KCTD16: variants seen among roughly 807,000 people sequenced by gnomAD.
KCTD16 encodes the protein BTB/POZ domain-containing protein KCTD16.
KCTD16 carries 13 observed loss-of-function variants against 33.2 expected under a neutral mutation model. That is an observed-to-expected ratio of 0.39 (90% confidence interval 0.25 to 0.62). The LOEUF (loss-of-function observed/expected upper bound fraction) is 0.62, where lower values mean the gene tolerates loss of function less well. Among genes scored for constraint, KCTD16 ranks in the 20% least tolerant of loss-of-function variants. The pLI is 0.50. For synonymous variants in KCTD16, 197 were observed against 195.3 expected (o/e 1.01, Z -0.07); for missense variants, 441 against 525.1 (o/e 0.84, Z 1.57).
intron 3 of KCTD16, among the ~76,000 whole-genome samples, chr5:144,464,317 T>A (rs1754268120): frequency 1.3e-5 from 2 of 152,254 alleles, no homozygotes; most frequent in Admixed American, 6.5e-5. Flanking sequence ...AGTAAAATTT[T>A]ATGAAATTCA....
At chr5:144,391,909 T>C (rs1752457573) in intron 3 of KCTD16, among the ~76,000 whole-genome samples, 1 of 152,192 alleles carries the variant, frequency 6.6e-6, no homozygotes, top group African/African-American at 2.4e-5. Context: ...GTGTGGTTGT[T>C]GAGTGCCTAC....
At position 144,206,382 on chromosome 5, in the gene KCTD16, C is replaced by G. The variant is rs1753171102; in HGVS notation, c.-326-7C>G. ...TTGAGGAAATAATTTTTTCTCTTTTCCTTCAGACGGACATCTGAGTAACTG... is the reference window on the plus strand; with the variant it reads ...TTGAGGAAATAATTTTTTCTCTTTTGCTTCAGACGGACATCTGAGTAACTG... On this transcript the variant is annotated splice_region_variant and splice_polypyrimidine_tract_variant and intron_variant, in intron 2 of 3. Transcript: ENST00000512467. 1 of 221,946 alleles carries G rather than the reference C, an allele frequency of 4.5e-6. No homozygotes were observed. Among genetic ancestry groups the G allele is most frequent in the Admixed American group, 5.4e-5 (1 of 18,622 alleles). The allele number at this position is 221,946 out of a possible 1,614,324, so 13.7% of individuals were successfully genotyped here. A position where few individuals can be genotyped will look rare whatever the true frequency, so the allele number is the denominator to read the frequency against.
intron 3 of KCTD16, among the ~76,000 whole-genome samples, chr5:144,336,082 C>T (rs1049161649): frequency 6.6e-6 from 1 of 152,188 alleles, no homozygotes; most frequent in African/African-American, 2.4e-5. Flanking sequence ...CCTGTGAGAC[C>T]ACATGACTTT....
intron 3 of KCTD16, among the ~76,000 whole-genome samples, chr5:144,419,351 T>C (rs1402930078): frequency 6.6e-6 from 1 of 152,202 alleles, no homozygotes. Flanking sequence ...TACTTGCTTT[T>C]CTCTTATGAC....
intron 3 of KCTD16, among the ~76,000 whole-genome samples, chr5:144,333,982 C>T (rs1169233360): frequency 2.0e-5 from 3 of 152,170 alleles, no homozygotes; most frequent in Non-Finnish European, 4.4e-5. Context: ...ACAATTTGCT[C>T]TTGACTTAAA....
intron 3 of KCTD16, among the ~76,000 whole-genome samples, chr5:144,291,712 G>A (rs1362576998): frequency 6.6e-6 from 1 of 152,152 alleles, no homozygotes; most frequent in Non-Finnish European, 1.5e-5. Flanking sequence ...CTAGTAACAT[G>A]AGATAAAATT....
intron 3 of KCTD16, among the ~76,000 whole-genome samples, chr5:144,227,409 G>C (rs959916365): frequency 6.6e-6 from 1 of 152,166 alleles, no homozygotes; most frequent in Admixed American, 6.5e-5. Flanking sequence ...GAACTGGTAA[G>C]GGAGGAAGAG....
chr5:144,233,173 A>G (rs979824975), intron 3 of KCTD16, among the ~76,000 whole-genome samples: 1 of 151,994 alleles, frequency 6.6e-6, no homozygotes, highest in Admixed American at 6.6e-5. Context: ...GAGTGGGCCT[A>G]CAAGCTCATA....
intron 3 of KCTD16, among the ~76,000 whole-genome samples, chr5:144,356,279 A>G (rs1751569674): frequency 6.6e-6 from 1 of 152,196 alleles, no homozygotes. Context: ...CAACTCAGGA[A>G]ATTTTAAGGA....
chr5:144,480,758 G>T lies in KCTD16; in HGVS notation c.*6644G>T, dbSNP rs1754689676. On this transcript the variant is annotated 3_prime_UTR_variant, in exon 4 of 4. Transcript: ENST00000512467. The stretch of plus-strand genomic sequence containing the variant: ...CTGCTAAAGATCCTACAGTGTACTG[G>T]AAAGCCCTCCATAACAAAAAGTTAT... 6.6e-6 allele frequency: 1 copy of T among 151,886 alleles called. No homozygotes were observed. The highest frequency in any genetic ancestry group is 6.6e-5 in the Admixed American group (1 of 15,218). The allele number at this position is 151,886 out of a possible 1,614,324, so 9.4% of individuals were successfully genotyped here.
rs529906214 is a variant in KCTD16 at position 144,366,802 on chromosome 5, G to T, written c.833-106858G>T. 1.9e-4 allele frequency among the ~76,000 whole-genome samples: 29 copies of T among 152,340 alleles called. No homozygotes were observed. In the South Asian group the frequency reaches 2.1e-3, roughly 11 times the overall value. On this transcript the variant is annotated intron_variant, in intron 3 of 3. Coordinates refer to ENST00000512467, the MANE Select transcript of KCTD16 (RefSeq NM_020768.4). ...AAAGGCTACTCAACAAAAGTCGGTG[G>T]CATGATAGGGCCACTCAGATGGATG...
At chr5:144,421,937 G>A (rs1052770288) in intron 3 of KCTD16, among the ~76,000 whole-genome samples, 7 of 152,192 alleles carry the variant, frequency 4.6e-5, no homozygotes, top group Admixed American at 4.6e-4. Context: ...GGCATGGGAT[G>A]TTGAATTAGC....
intron 3 of KCTD16, among the ~76,000 whole-genome samples, chr5:144,330,550 G>T (rs923148756): frequency 6.6e-6 from 1 of 150,556 alleles, no homozygotes; most frequent in African/African-American, 2.5e-5. Flanking sequence ...ACCAGGTATT[G>T]TGCTATAATA....
intron 3 of KCTD16, among the ~76,000 whole-genome samples, chr5:144,223,316 GTAGA>G (rs1188620420): frequency 1.3e-5 from 2 of 151,898 alleles, no homozygotes; most frequent in East Asian, 1.9e-4. Flanking sequence ...GTATAAAAAA[GTAGA>G]TAGTAGAAAG....
rs1358992729 is a variant in KCTD16, at chr5:144,215,684, G to C, written c.832+8138G>C. Reference sequence around the variant, plus strand: ...AATTAAATGGGTTGATATATAGAAAGTGCTTAAAACAGTGCCAGACACCCA... The same window carrying C: ...AATTAAATGGGTTGATATATAGAAACTGCTTAAAACAGTGCCAGACACCCA... On this transcript the variant is annotated intron_variant, in intron 3 of 3. Transcript: ENST00000512467. Among the ~76,000 whole-genome samples, 3 of 152,216 alleles carry C rather than the reference G, an allele frequency of 2.0e-5. No individual in the cohort carries two copies. In the East Asian group the frequency reaches 5.8e-4, roughly 29 times the overall value.
chr5:144,191,804 A>G (rs1374738092), intron 2 of KCTD16, among the ~76,000 whole-genome samples: 1 of 137,322 alleles, frequency 7.3e-6, no homozygotes, highest in Admixed American at 7.6e-5. Context: ...GTGCTTCTGC[A>G]TGGAGCTGCG....
chr5:144,358,189 C>G (rs959020843), intron 3 of KCTD16, among the ~76,000 whole-genome samples: 1 of 151,198 alleles, frequency 6.6e-6, no homozygotes. Context: ...CAGCCTTGGC[C>G]TCCCAAAGTG....
chr5:144,197,861 T>C (rs1752967856), intron 2 of KCTD16, among the ~76,000 whole-genome samples: 1 of 152,222 alleles, frequency 6.6e-6, no homozygotes, highest in Non-Finnish European at 1.5e-5. Flanking sequence ...GGTCAGTTAA[T>C]TTTATTAATT....
intron 3 of KCTD16, among the ~76,000 whole-genome samples, chr5:144,363,336 T>A (rs1243824522): frequency 6.6e-6 from 1 of 151,696 alleles, no homozygotes; most frequent in Non-Finnish European, 1.5e-5. Flanking sequence ...AGGAGGACTC[T>A]GTCTCAATTT....
Sources: allele counts gnomAD v4.1 joint callset (sites outside exome capture counted in the v4.1 genomes callset), GRCh38; gene constraint gnomAD v4.1.1; transcripts MANE v1.5; gene names NCBI Gene and HGNC (gene_info 2026-07-23, HGNC 2026-07-21).